DMD: variants seen among roughly 807,000 people sequenced by gnomAD.
DMD encodes dystrophin.
DMD carries 63 observed loss-of-function variants against 330.1 expected under a neutral mutation model. The observed-to-expected ratio is 0.19, with a 90% CI of 0.16 to 0.24. The LOEUF is 0.24. DMD is among the 10% of genes least tolerant of loss of function. The pLI is 1.00. For synonymous variants in DMD, 1,223 were observed against 959.8 expected (o/e 1.27, Z -5.07); for missense variants, 3,344 against 2,684.1 (o/e 1.25, Z -5.43).
intron 48 of DMD, among the ~76,000 whole-genome samples, chrX:31,854,463 C>T (rs2093582048): frequency 1.8e-5 from 2 of 111,773 alleles, no homozygotes; most frequent in Admixed American, 9.5e-5. Context: ...AAACACTCTG[C>T]TATGCACTTA....
chrX:33,124,455 G>A (rs1487797152), intron 1 of DMD, among the ~76,000 whole-genome samples: 33 of 70,420 alleles, frequency 4.7e-4, no homozygotes, highest in Admixed American at 2.2e-4. Flanking sequence ...CAGCCTGGGC[G>A]AATAGAGGGA....
chrX:31,848,828 A>G (rs2093471372), intron 48 of DMD, among the ~76,000 whole-genome samples: 1 of 110,376 alleles, frequency 9.1e-6, no homozygotes, highest in Admixed American at 9.8e-5. Flanking sequence ...CATTACTAAT[A>G]ATGGGCAGTT....
In DMD at chrX:32,368,524, T is replaced by C. The variant is rs150970340; in HGVS notation, c.4846-3325A>G. Reference sequence around the variant, plus strand: ...GAATTCTTACTGTAAACTAAAAGAATACATTTGATGAGGTTGTTGACGAAC... The same window carrying C: ...GAATTCTTACTGTAAACTAAAAGAACACATTTGATGAGGTTGTTGACGAAC... On this transcript the variant is annotated intron_variant, in intron 34 of 78. Coordinates refer to ENST00000357033, the MANE Select transcript of DMD (RefSeq NM_004006.3). 1.4e-3 allele frequency among the ~76,000 whole-genome samples: 160 copies of C among 111,726 alleles called. 1 individual carries two copies. Among genetic ancestry groups the C allele is most frequent in the African/African-American group, 5.0e-3 (155 of 30,815 alleles).
At chrX:32,822,209 C>A (rs749775143) in intron 5 of DMD, among the ~76,000 whole-genome samples, 1 of 111,519 alleles carries the variant, frequency 9.0e-6, no homozygotes, top group Admixed American at 9.6e-5. Context: ...GAGTGCCTTG[C>A]AGATATTCTC....
chrX:32,519,733 G>C (rs1239711399), intron 17 of DMD, among the ~76,000 whole-genome samples: 7 of 111,693 alleles, frequency 6.3e-5, no homozygotes, highest in Non-Finnish European at 1.1e-4. Context: ...ACAAACATAT[G>C]ACCTGATCTA....
intron 63 of DMD, among the ~76,000 whole-genome samples, chrX:31,240,711 T>A (rs1440734813): frequency 9.0e-6 from 1 of 111,721 alleles, no homozygotes; most frequent in Non-Finnish European, 1.9e-5. Context: ...ATAACATAAA[T>A]TCTCAGGTTA....
intron 2 of DMD, among the ~76,000 whole-genome samples, chrX:32,964,333 C>A (rs1402614967): frequency 2.8e-5 from 3 of 106,695 alleles, no homozygotes; most frequent in Non-Finnish European, 5.8e-5. Context: ...GAAAATTGTT[C>A]TTTTGGGGGA....
intron 55 of DMD, among the ~76,000 whole-genome samples, chrX:31,546,694 G>A (rs1426122304): frequency 1.8e-5 from 2 of 112,219 alleles, no homozygotes; most frequent in African/African-American, 3.2e-5. Flanking sequence ...CTAGCCTCCT[G>A]TCTCCAGCAG....
chrX:31,325,290 T>C (rs915407069), intron 61 of DMD, among the ~76,000 whole-genome samples: 2 of 109,908 alleles, frequency 1.8e-5, no homozygotes, highest in Non-Finnish European at 3.8e-5. Context: ...ACAGAGTAAA[T>C]AAGATCTGAT....
intron 1 of DMD, among the ~76,000 whole-genome samples, chrX:33,166,238 C>T: frequency 9.0e-6 from 1 of 110,840 alleles, no homozygotes; most frequent in South Asian, 3.8e-4. Context: ...ATATCATTAT[C>T]AATCATCGCT....
chrX:31,422,552 G>A (rs908893305), intron 60 of DMD, among the ~76,000 whole-genome samples: 6 of 111,664 alleles, frequency 5.4e-5, no homozygotes, highest in African/African-American at 2.0e-4. Context: ...AAATGTTGAC[G>A]GGCAATGGTT....
chrX:32,765,986 C>A (rs183135345), intron 7 of DMD, among the ~76,000 whole-genome samples: 305 of 111,661 alleles, frequency 2.7e-3, no homozygotes, highest in African/African-American at 9.1e-3. Flanking sequence ...ACCTTGGCAA[C>A]CTTATGGAAA....
At chrX:31,615,345 AAAC>A (rs1025704347) in intron 55 of DMD, among the ~76,000 whole-genome samples, 1 of 111,699 alleles carries the variant, frequency 9.0e-6, no homozygotes, top group Non-Finnish European at 1.9e-5. Flanking sequence ...TATGCATTTA[AAAC>A]AACTTTATTA....
At chrX:33,081,007 C>CACACACACAA (rs1441153335) in intron 1 of DMD, among the ~76,000 whole-genome samples, 2 of 98,057 alleles carry the variant, frequency 2.0e-5, no homozygotes, top group African/African-American at 8.1e-5. Context: ...CACACACACA[C>CACACACACAA]AAAAACACAT....
chrX:33,299,895 A>G (rs2053637474), intron 1 of DMD, among the ~76,000 whole-genome samples: 1 of 111,875 alleles, frequency 8.9e-6, no homozygotes, highest in African/African-American at 3.2e-5. Flanking sequence ...TAGCAGTTGC[A>G]CTTAAATAGC....
intron 7 of DMD, among the ~76,000 whole-genome samples, chrX:32,782,711 G>A (rs1440857287): frequency 6.4e-5 from 7 of 109,968 alleles, no homozygotes; most frequent in African/African-American, 2.0e-4. Context: ...ATACAATAGG[G>A]TGAATATAGT....
intron 11 of DMD, among the ~76,000 whole-genome samples, chrX:32,639,835 A>C (rs1023089144): frequency 4.5e-5 from 5 of 110,887 alleles, no homozygotes; most frequent in Middle Eastern, 4.7e-3. Context: ...ATACAAAATA[A>C]CCACAGCTAT....
chrX:32,611,183 G>C (rs1453536749), intron 12 of DMD, among the ~76,000 whole-genome samples: 1 of 95,360 alleles, frequency 1.0e-5, no homozygotes, highest in Non-Finnish European at 2.0e-5. Flanking sequence ...ACTTGAATAT[G>C]AATCTTTCCC....
chrX:31,178,432 GTTTTT>G (rs11333372), intron 70 of DMD: 2 of 802,102 alleles, frequency 2.5e-6, no homozygotes, highest in Non-Finnish European at 3.1e-6. Context: ...TTGTGTTGTG[GTTTTT>G]TTTTTTTTTT....
Sources: allele counts gnomAD v4.1 joint callset (sites outside exome capture counted in the v4.1 genomes callset), GRCh38; gene constraint gnomAD v4.1.1; transcripts MANE v1.5; gene names NCBI Gene and HGNC (gene_info 2026-07-23, HGNC 2026-07-21).